SLC39A6: variants seen among roughly 807,000 people sequenced by gnomAD.
The protein encoded by SLC39A6 is zinc transporter ZIP6.
In SLC39A6, 51 loss-of-function variants were observed where a neutral mutation model predicts 63.5. The ratio of observed to expected loss-of-function variants is 0.80; its 90% confidence interval spans 0.64 to 1.01. SLC39A6 has a LOEUF of 1.01. Among genes scored for constraint, SLC39A6 ranks in the 50% least tolerant of loss-of-function variants. SLC39A6 has a pLI of 0.00. For missense variants in SLC39A6, 805 were observed against 927.8 expected (o/e 0.87, Z 1.72); for synonymous variants, 318 against 324.7 (o/e 0.98, Z 0.22).
rs545864771 is a variant in SLC39A6 at position 36,116,826 on chromosome 18, T to A, written c.1360-47A>T. On this transcript the variant is annotated intron_variant, in intron 5 of 9. Transcript: ENST00000269187. ...ATACTTTAAAACAGTAATTTGTTTA[T>A]ATGTACAGCTTTCAATCAATAACCA... 8.2e-6 allele frequency: 11 copies of A among 1,344,608 alleles called. No homozygotes were observed. The African/African-American group carries it at 1.4e-4, about 18-fold the overall frequency. The allele number at this position is 1,344,608 out of a possible 1,614,324, so 83.3% of individuals were successfully genotyped here.
chr18:36,128,284 C>A (rs906804993), intron 1 of SLC39A6, among the ~76,000 whole-genome samples: 1 of 152,186 alleles, frequency 6.6e-6, no homozygotes, highest in African/African-American at 2.4e-5. Flanking sequence ...GTCAAGTTTA[C>A]AACTAAGCAA....
chr18:36,109,400 T>C lies in SLC39A6; in HGVS notation c.*193A>G. ...ACCGGTGAATTGCACATACAGATTT[T>C]ATCTCCAAGATAGAATAACTTAAAT... On this transcript the variant is annotated 3_prime_UTR_variant, in exon 10 of 10. Transcript: ENST00000269187. 1 of 425,846 alleles carries C rather than the reference T, an allele frequency of 2.3e-6. No homozygotes were observed. Among genetic ancestry groups the C allele is most frequent in the Non-Finnish European group, 4.2e-6 (1 of 240,362 alleles). The allele number at this position is 425,846 out of a possible 1,614,324, so 26.4% of individuals were successfully genotyped here.
At position 36,126,715 on chromosome 18, in the gene SLC39A6, T is replaced by C. The variant is rs564383019; in HGVS notation, c.293A>G (p.His98Arg). 12 of 1,614,022 alleles carry C rather than the reference T, an allele frequency of 7.4e-6. No individual in the cohort carries two copies. The highest frequency in any genetic ancestry group is 2.7e-5 in the African/African-American group (2 of 75,052). The change falls in exon 2 of 10, where the codon CAT becomes CGT. Residue 98 changes from histidine (H) to arginine (R), a missense_variant. Physicochemically the swap from His to Arg is conservative, Grantham distance 29 (BLOSUM62 0). Around this residue, in one of 4 missense-constraint regions of SLC39A6, gnomAD observed 639 missense variants for 644.0 expected, o/e 0.99. Transcript: ENST00000269187. ...TGAGTGATGCTCGTGGTCTGAGTGA[T>C]GGTCGTGGTCATGGTGTATATGGAT... ...KRIHIHHDHD[H>R]HSDHEHHSDH...
At chr18:36,124,481 T>G in intron 3 of SLC39A6, 39 bp downstream of exon 3, 4 of 1,307,128 alleles carry the variant, frequency 3.1e-6, no homozygotes, top group Non-Finnish European at 4.3e-6. Flanking sequence ...TATAAATGAA[T>G]CTACTGAAAT....
intron 2 of SLC39A6, among the ~76,000 whole-genome samples, chr18:36,125,431 CCCA>C (rs2089429149): frequency 6.6e-6 from 1 of 151,930 alleles, no homozygotes; most frequent in South Asian, 2.1e-4. Context: ...ATTTTCAACT[CCCA>C]CCACAATTCT....
chr18:36,112,335 C>A (rs1177291854), intron 8 of SLC39A6, among the ~76,000 whole-genome samples, 166 bp downstream of exon 8: 2 of 152,188 alleles, frequency 1.3e-5, no homozygotes, highest in Admixed American at 6.5e-5. Flanking sequence ...GTCTTATTCA[C>A]CTTGTGTGTA....
intron 2 of SLC39A6, among the ~76,000 whole-genome samples, chr18:36,125,363 A>AC (rs1286703477): frequency 6.6e-5 from 10 of 151,220 alleles, no homozygotes; most frequent in East Asian, 3.9e-4. Flanking sequence ...AAAAAAAAAA[A>AC]AACAACAAAA....
In SLC39A6 at chr18:36,123,511, A is replaced by C. The variant is rs1207129731; in HGVS notation, c.1124T>G (p.Leu375Ter). The C allele has an allele frequency of 3.7e-6, 6 of 1,610,928 alleles. No individual in the cohort carries two copies. The highest frequency in any genetic ancestry group is 4.2e-6 in the Non-Finnish European group (5 of 1,179,178). Residue 375 changes from leucine to a stop codon, truncating the protein, a stop_gained, in exon 4 of 10, where the codon TTA becomes TGA. Transcript: ENST00000269187. LOFTEE classifies it high-confidence loss of function. ...TATACTTACATGTGGAAGAAGGTGTAAAAAAGCATCACCACTCAAAGTCCC... is the reference window on the plus strand; with the variant it reads ...TATACTTACATGTGGAAGAAGGTGTCAAAAAGCATCACCACTCAAAGTCCC... ...AVGTLSGDAF[L>*]HLLPHSHASH... is the part of the protein sequence containing the mutation.
intron 1 of SLC39A6, among the ~76,000 whole-genome samples, chr18:36,128,701 A>C (rs1390545288): frequency 6.6e-6 from 1 of 152,180 alleles, no homozygotes; most frequent in African/African-American, 2.4e-5. Context: ...CCGTTGAAGG[A>C]TCTCCTTTCC....
At position 36,129,306 on chromosome 18, in the gene SLC39A6, G is replaced by C; in HGVS notation, c.-202C>G. On this transcript the variant is annotated 5_prime_UTR_variant, in exon 1 of 10. Coordinates refer to ENST00000269187, the MANE Select transcript of SLC39A6 (RefSeq NM_012319.4). ...CGCCGCGCAGCCACCCGGCAGCCGC[G>C]CCCCTAGCCTTCGCGAAGCTGGAAG... is the stretch of plus-strand genomic sequence containing the variant. The C allele has an allele frequency of 6.3e-6, 1 of 158,630 alleles. No homozygotes were observed. Among genetic ancestry groups the C allele is most frequent in the South Asian group, 1.7e-4 (1 of 5,892 alleles). 9.8% of individuals were successfully genotyped at this position (158,630 alleles called of 1,614,324 possible). A position where few individuals can be genotyped will look rare whatever the true frequency, so the allele number is the denominator to read the frequency against.
At position 36,127,012 on chromosome 18, in the gene SLC39A6, C is replaced by A. The variant is rs768250095; in HGVS notation, c.-5G>T. ...TACAGATAACTTCCTCGCCATTGCG[C>A]CTTCCTAGAAAAGACAGGAAAAAAA... On this transcript the variant is annotated 5_prime_UTR_variant, in exon 2 of 10. Transcript: ENST00000269187. 1.3e-6 allele frequency: 2 copies of A among 1,587,976 alleles called. No homozygotes were observed. Among genetic ancestry groups the A allele is most frequent in the African/African-American group, 2.7e-5 (2 of 73,242 alleles).
Position 36,111,355 on chromosome 18 carries a change from A to AG in SLC39A6, c.1925-107dup, listed in dbSNP as rs1444736686. 6 of 1,065,524 alleles carry AG rather than the reference A, an allele frequency of 5.6e-6. No individual in the cohort carries two copies. The African/African-American group carries it at 6.4e-5, about 11-fold the overall frequency. 66.0% of individuals were successfully genotyped at this position (1,065,524 alleles called of 1,614,324 possible). ...AAGAAAATTTTCCAGTGTTTTTGAG[A>AG]GGGGGAAAAGAAAACAAAATTAAGA... On this transcript the variant is annotated intron_variant, in intron 8 of 9. Transcript: ENST00000269187.
intron 5 of SLC39A6, among the ~76,000 whole-genome samples, chr18:36,121,225 C>T (rs988726734): frequency 4.6e-5 from 7 of 151,634 alleles, no homozygotes; most frequent in Non-Finnish European, 8.8e-5. Flanking sequence ...GGTATAATCT[C>T]AGCTCACTGC....
In SLC39A6 at chr18:36,114,129, C is replaced by T. The variant is rs1424626339; in HGVS notation, c.1811G>A (p.Gly604Asp). The T allele has an allele frequency of 6.2e-7, 1 of 1,612,256 alleles. No individual in the cohort carries two copies. The highest frequency in any genetic ancestry group is 1.7e-5 in the Admixed American group (1 of 59,940). The change falls in exon 7 of 10, where the codon GGC becomes GAC. Residue 604 changes from glycine to aspartate, a missense_variant. Physicochemically the swap from Gly to Asp is moderately conservative, Grantham distance 94. Coordinates refer to ENST00000269187, the MANE Select transcript of SLC39A6 (RefSeq NM_012319.4). ...TAGGCCATCGCTGAAATTGTGCAGGCCATCACCCATTATCACCATCCAGGC... is the reference window on the plus strand; with the variant it reads ...TAGGCCATCGCTGAAATTGTGCAGGTCATCACCCATTATCACCATCCAGGC... ...TLAWMVIMGD[G>D]LHNFSDGLAI...
At chr18:36,120,763 G>A (rs2089386744) in intron 5 of SLC39A6, among the ~76,000 whole-genome samples, 2 of 152,266 alleles carry the variant, frequency 1.3e-5, no homozygotes, top group African/African-American at 4.8e-5. Flanking sequence ...AAAGTGCTAG[G>A]ATCATAGGCG....
At position 36,109,674 on chromosome 18, in the gene SLC39A6, A is replaced by T; in HGVS notation, c.2187T>A (p.Asn729Lys). The change falls in exon 10 of 10, where the codon AAT (asparagine) becomes AAA (lysine). Residue 729 changes from asparagine (N) to lysine (K), a missense_variant. By Grantham distance (94) the Asn-to-Lys change is moderately conservative (BLOSUM62 0). Coordinates refer to ENST00000269187, the MANE Select transcript of SLC39A6 (RefSeq NM_012319.4). ...TTCCAAAACCCAAAAGCATCCCAGC[A>T]TTCTGTAAAAAGAAATACCCCCAGC... ...CSRWGYFFLQ[N>K]AGMLLGFGIM... The T allele has an allele frequency of 6.2e-7, 1 of 1,612,422 alleles. No homozygotes were observed. The highest frequency in any genetic ancestry group is 8.5e-7 in the Non-Finnish European group (1 of 1,178,536).
At chr18:36,118,845 G>A (rs970272067) in intron 5 of SLC39A6, among the ~76,000 whole-genome samples, 1 of 152,220 alleles carries the variant, frequency 6.6e-6, no homozygotes, top group Non-Finnish European at 1.5e-5. Context: ...TTAGGAGGCA[G>A]TAACTGTCAC....
intron 8 of SLC39A6, among the ~76,000 whole-genome samples, chr18:36,111,530 C>T (rs548902041): frequency 7.0e-6 from 1 of 142,922 alleles, no homozygotes; most frequent in Admixed American, 7.4e-5. Flanking sequence ...GTCACCCAGG[C>T]TGGAGTGCAG....
intron 5 of SLC39A6, among the ~76,000 whole-genome samples, chr18:36,121,739 T>G (rs1378384705): frequency 2.0e-5 from 3 of 152,250 alleles, no homozygotes; most frequent in Admixed American, 1.3e-4. Flanking sequence ...AGTGTATCCA[T>G]GTATACACGA....
Sources: gnomAD v4.1 joint callset for allele counts (sites outside exome capture counted in the v4.1 genomes callset) on GRCh38, gnomAD v4.1.1 for gene constraint, gnomAD v4.1.1 regional missense constraint, MANE v1.5 for transcripts, NCBI Gene and HGNC (gene_info 2026-07-23, HGNC 2026-07-21) for gene names.